PNMA8A: variants seen among roughly 807,000 people sequenced by gnomAD.
PNMA8A encodes PNMA family member 8A, also known as paraneoplastic antigen-like protein 8A.
In PNMA8A, 17 loss-of-function variants were observed where a neutral mutation model predicts 26.6. That is an observed-to-expected ratio of 0.64 (90% CI 0.44 to 0.96). The LOEUF is 0.96. Ranked by LOEUF, PNMA8A falls within the 40% of genes least tolerant of loss-of-function variation. The pLI is 0.00. For synonymous variants in PNMA8A, 224 were observed against 182.0 expected (o/e 1.23, Z -1.86); for missense variants, 532 against 488.4 (o/e 1.09, Z -0.84).
At position 46,469,744 on chromosome 19, in the gene PNMA8A, C is replaced by T. The variant is rs368614597; in HGVS notation, c.1292G>A (p.Arg431His). ...GCTATCATTCTCACCATTGGTGGCA[C>T]GCCGAGGAGAGCCTTCTGGCTTGGC... is the stretch of plus-strand genomic sequence containing the variant. ...PKAKPEGSPRRATNESRKV is the reference protein window; with the variant it reads ...PKAKPEGSPRHATNESRKV Residue 431 changes from arginine (R) to histidine (H), a missense_variant, in exon 2 of 3, where the codon CGT (arginine) becomes CAT (histidine). Transcript: ENST00000313683. 4.7e-5 allele frequency: 75 copies of T among 1,605,444 alleles called. No individual in the cohort carries two copies. The Middle Eastern group carries it at 6.8e-4, about 14-fold the overall frequency.
chr19:46,469,109 C>CT (rs11373648), intron 2 of PNMA8A, among the ~76,000 whole-genome samples: 131,508 of 137,650 alleles, frequency 0.96, 62,846 homozygotes, highest in East Asian at 0.99. Flanking sequence ...TCATTAAATT[C>CT]TTTTTTTTTT....
rs1283213693 is a variant in PNMA8A at position 46,470,222 on chromosome 19, C to T, written c.814G>A (p.Glu272Lys). 1.2e-6 allele frequency: 2 copies of T among 1,614,166 alleles called. No individual in the cohort carries two copies. Among genetic ancestry groups the T allele is most frequent in the African/African-American group, 1.3e-5 (1 of 75,070 alleles). The change falls in exon 2 of 3, where the codon GAG (glutamate) becomes AAG (lysine). Residue 272 changes from glutamate to lysine, a missense_variant. Physicochemically the swap from Glu to Lys is moderately conservative, Grantham distance 56. Coordinates refer to ENST00000313683, the MANE Select transcript of PNMA8A (RefSeq NM_018215.4). ...TCAGCATCACCCACCTCAGGATCCT[C>T]CAAGTTAGCTGTGCTGTTGGAATTG... is the stretch of plus-strand genomic sequence containing the variant. ...GINSNSTANLEDPEVGDAESM... is the reference protein window; with the variant it reads ...GINSNSTANLKDPEVGDAESM...
chr19:46,468,808 T>G (rs1474635019), intron 2 of PNMA8A, among the ~76,000 whole-genome samples: 1 of 151,246 alleles, frequency 6.6e-6, no homozygotes, highest in Admixed American at 6.6e-5. Flanking sequence ...CAGGCTGGAG[T>G]GCAGCAGTGT....
In PNMA8A at chr19:46,471,339, G is replaced by A. The variant is rs1269310555; in HGVS notation, c.-82C>T. 1 of 257,546 alleles carries A rather than the reference G, an allele frequency of 3.9e-6. No homozygotes were observed. Among genetic ancestry groups the A allele is most frequent in the Non-Finnish European group, 7.4e-6 (1 of 135,932 alleles). 16.0% of individuals were successfully genotyped at this position (257,546 alleles called of 1,614,324 possible). ...CCGCCTGCCCAGCCGGGACTTACTT[G>A]GCAGATCAGCCTCCGACCGCCCAGC... On this transcript the variant is annotated splice_region_variant and 5_prime_UTR_variant, in exon 1 of 3. Coordinates refer to ENST00000313683, the MANE Select transcript of PNMA8A (RefSeq NM_018215.4).
At chr19:46,469,233 C>T (rs377253598) in intron 2 of PNMA8A, among the ~76,000 whole-genome samples, 1 of 151,452 alleles carries the variant, frequency 6.6e-6, no homozygotes, top group Admixed American at 6.6e-5. Context: ...CTCAGCCTCC[C>T]GAGTAGCTGG....
In PNMA8A at chr19:46,470,082, T is replaced by G. The variant is rs776032537; in HGVS notation, c.954A>C (p.Pro318=). ...CGGCTTCTGCCCGGGCATCCTGAGG[T>G]GGCTCTCTGGGACCCTTCCAGGCAC... The part of the protein sequence containing the change: ...AKCAWKGPRE[P]PQDARAEAES... Residue 318 remains proline (P), a synonymous_variant, in exon 2 of 3, where the codon CCA becomes CCC. Transcript: ENST00000313683. 3.1e-5 allele frequency: 49 copies of G among 1,592,222 alleles called. 1 individual carries two copies. The South Asian group carries it at 4.4e-4, about 14-fold the overall frequency.
At chr19:46,471,181 C>T (rs1969788742) in intron 1 of PNMA8A, 67 bp from the exon 2 acceptor site, 1 of 574,708 alleles carries the variant, frequency 1.7e-6, no homozygotes, top group South Asian at 2.4e-5. Context: ...ATCCTAGCTG[C>T]CCCCTCCGCG....
At position 46,468,550 on chromosome 19, in the gene PNMA8A, G is replaced by C; in HGVS notation, c.*11C>G. On this transcript the variant is annotated 3_prime_UTR_variant, in exon 3 of 3. Transcript: ENST00000313683. ...GTTCTTTCAACTCCTCAGTATGGGT[G>C]GTCCCCCAGATCAAACCTTTCTGGA... 6.2e-7 allele frequency: 1 copy of C among 1,612,146 alleles called. No homozygotes were observed. The highest frequency in any genetic ancestry group is 1.1e-5 in the South Asian group (1 of 91,012).
rs756253243 is a variant in PNMA8A at position 46,470,306 on chromosome 19, T to C, written c.730A>G (p.Lys244Glu). 5 of 1,613,778 alleles carry C rather than the reference T, an allele frequency of 3.1e-6. No homozygotes were observed. The highest frequency in any genetic ancestry group is 1.6e-4 in the Middle Eastern group (1 of 6,084). ...TGCCTGGAGTTCTTCTTCTGCTTCT[T>C]TCTCCTGGAGCGAGACTTAGCTCCA... ...RAGAKSRSRR[K>E]KQKKNSRQEA... The change falls in exon 2 of 3, where the codon AAG (lysine) becomes GAG (glutamate). Residue 244 changes from lysine to glutamate, a missense_variant. Transcript: ENST00000313683.
In PNMA8A at chr19:46,469,978, AC is replaced by A. The variant is rs1568607105; in HGVS notation, c.1057del (p.Val353CysfsTer9). The A allele has an allele frequency of 6.2e-7, 1 of 1,611,446 alleles. No homozygotes were observed. Among genetic ancestry groups the A allele is most frequent in the Non-Finnish European group, 8.5e-7 (1 of 1,178,904 alleles). On this transcript the variant is annotated frameshift_variant, in exon 2 of 3. Coordinates refer to ENST00000313683, the MANE Select transcript of PNMA8A (RefSeq NM_018215.4). LOFTEE classifies it high-confidence loss of function. ...CATGGGAGCGGGGTTCTTGGCAGACACCCAGGCCACGGCCTTCTTCTTTGGT... is the reference window on the plus strand; with the variant it reads ...CATGGGAGCGGGGTTCTTGGCAGACACCAGGCCACGGCCTTCTTCTTTGGT... Reference protein sequence around the residue: ...SPPKKKAVAWVSAKNPAPMRK... With the variant: ...SPPKKKAVAWXSAKNPAPMRK...
chr19:46,469,551 G>A (rs542930296), intron 2 of PNMA8A, among the ~76,000 whole-genome samples, 182 bp downstream of exon 2: 16 of 152,188 alleles, frequency 1.1e-4, no homozygotes, highest in South Asian at 2.1e-4. Flanking sequence ...CTGGAAGGGC[G>A]GTCTGGGCTC....
rs111657958 is a variant in PNMA8A at position 46,468,794 on chromosome 19, C to T, written c.1304-217G>A. ...AGGGGGGAACAGGGTTTCACTCTATCGCCCAGGCTGGAGTGCAGCAGTGTG... is the reference window on the plus strand; with the variant it reads ...AGGGGGGAACAGGGTTTCACTCTATTGCCCAGGCTGGAGTGCAGCAGTGTG... On this transcript the variant is annotated intron_variant, in intron 2 of 2. Coordinates refer to ENST00000313683, the MANE Select transcript of PNMA8A (RefSeq NM_018215.4). Among the ~76,000 whole-genome samples the T allele has an allele frequency of 1.1e-3, 170 of 152,222 alleles. 1 individual carries two copies. The highest frequency in any genetic ancestry group is 3.7e-3 in the Admixed American group (56 of 15,278).
chr19:46,470,402 C>T lies in PNMA8A; in HGVS notation c.634G>A (p.Ala212Thr). Residue 212 changes from alanine (A) to threonine (T), a missense_variant, in exon 2 of 3, where the codon GCA (alanine) becomes ACA (threonine). Transcript: ENST00000313683. ...GCATTCCAGTTGTTGGGGGTCTCTG[C>T]CTTTAAGGCAGAACCCACCTCTGCT... ...LAAEVGSALK[A>T]ETPNNWNATE... is the part of the protein sequence containing the mutation. 6.2e-7 allele frequency: 1 copy of T among 1,614,040 alleles called. No homozygotes were observed. The highest frequency in any genetic ancestry group is 8.5e-7 in the Non-Finnish European group (1 of 1,180,030).
rs768906696 is a variant in PNMA8A at position 46,470,549 on chromosome 19, A to G, written c.487T>C (p.Cys163Arg). The G allele has an allele frequency of 6.2e-6, 10 of 1,614,040 alleles. No homozygotes were observed. Among genetic ancestry groups the G allele is most frequent in the Non-Finnish European group, 8.5e-6 (10 of 1,180,024 alleles). The change falls in exon 2 of 3, where the codon TGC becomes CGC. Residue 163 changes from cysteine (C) to arginine (R), a missense_variant. Physicochemically the swap from Cys to Arg is radical, Grantham distance 180 (BLOSUM62 -3). Coordinates refer to ENST00000313683, the MANE Select transcript of PNMA8A (RefSeq NM_018215.4). ...LLGAVVQIIF[C>R]MDAEIRSREE... ...CGGCTGCGGATCTCGGCATCCATGC[A>G]GAAGATGATCTGCACCACTGCTCCC...
rs1969783241 is a variant in PNMA8A at position 46,470,891 on chromosome 19, G to A, written c.145C>T (p.Pro49Ser). Reference protein sequence around the residue: ...IEETLNGVLSPLGPYRVLNKI... With the variant: ...IEETLNGVLSSLGPYRVLNKI... Reference sequence around the variant, plus strand: ...TTGAGCACGCGGTACGGGCCCAGTGGGGAGAGGACCCCATTCAAGGTCTCC... The same window carrying A: ...TTGAGCACGCGGTACGGGCCCAGTGAGGAGAGGACCCCATTCAAGGTCTCC... The change falls in exon 2 of 3, where the codon CCA becomes TCA. Residue 49 changes from proline (P) to serine (S), a missense_variant. By Grantham distance (74) the Pro-to-Ser change is moderately conservative. Coordinates refer to ENST00000313683, the MANE Select transcript of PNMA8A (RefSeq NM_018215.4). 3.8e-6 allele frequency: 3 copies of A among 780,850 alleles called. No individual in the cohort carries two copies. The Admixed American group carries it at 5.1e-5, about 13-fold the overall frequency. 48.4% of individuals were successfully genotyped at this position (780,850 alleles called of 1,614,324 possible).
chr19:46,469,653 C>T, intron 2 of PNMA8A, 80 bp downstream of exon 2: 1 of 1,447,402 alleles, frequency 6.9e-7, no homozygotes, highest in Non-Finnish European at 9.1e-7. Context: ...TCGGGCTCCT[C>T]TGCCCCACCT....
intron 2 of PNMA8A, 126 bp from the exon 3 acceptor site, chr19:46,468,703 TCACCCTTAAAGCCACATACCCTGCAAA>T: frequency 1.4e-6 from 1 of 738,622 alleles, no homozygotes; most frequent in Non-Finnish European, 2.4e-6. Flanking sequence ...CTAGAAAACT[TCACCCTTAAAGCCACATACCCTGCAAA>T]CACCATAACT....
Position 46,470,611 on chromosome 19 carries a change from G to A in PNMA8A, c.425C>T (p.Pro142Leu). 2 of 1,610,556 alleles carry A rather than the reference G, an allele frequency of 1.2e-6. No homozygotes were observed. Among genetic ancestry groups the A allele is most frequent in the African/African-American group, 2.7e-5 (2 of 75,006 alleles). ...HPTLSQNQHQ[P>L]PENWAEALGV... ...CAGAGCTTCTGCCCAGTTCTCTGGG[G>A]GCTGATGCTGGTTCTGGGACAGGGT... is the stretch of plus-strand genomic sequence containing the variant. The change falls in exon 2 of 3, where the codon CCC becomes CTC. Residue 142 changes from proline (P) to leucine (L), a missense_variant. Transcript: ENST00000313683.
In PNMA8A at chr19:46,470,555, T is replaced by C; in HGVS notation, c.481A>G (p.Ile161Val). Residue 161 changes from isoleucine to valine, a missense_variant, in exon 2 of 3, where the codon ATC becomes GTC. By Grantham distance (29) the Ile-to-Val change is conservative. Transcript: ENST00000313683. The part of the protein sequence containing the change: ...GVLLGAVVQI[I>V]FCMDAEIRSR... ...CGGATCTCGGCATCCATGCAGAAGA[T>C]GATCTGCACCACTGCTCCCAGAAGC... 2 of 1,614,048 alleles carry C rather than the reference T, an allele frequency of 1.2e-6. No homozygotes were observed. Among genetic ancestry groups the C allele is most frequent in the African/African-American group, 1.3e-5 (1 of 75,056 alleles).
Sources: gnomAD v4.1 joint callset for allele counts (sites outside exome capture counted in the v4.1 genomes callset) on GRCh38, gnomAD v4.1.1 for gene constraint, MANE v1.5 for transcripts, NCBI Gene and HGNC (gene_info 2026-07-23, HGNC 2026-07-21) for gene names.